Variants in FBXL20 observed in about 807,000 individuals in gnomAD.
FBXL20 encodes the protein F-box and leucine rich repeat protein 20, also known as F-box/LRR-repeat protein 20.
Under a neutral mutation model 64.0 loss-of-function variants are expected in FBXL20, and 11 were observed. The observed-to-expected ratio is 0.17, with a 90% CI of 0.11 to 0.28. FBXL20 has a LOEUF of 0.28. Ranked by LOEUF, FBXL20 falls within the 10% of genes least tolerant of loss-of-function variation. The pLI, the probability that FBXL20 is intolerant of heterozygous loss-of-function variation, is 1.00. For synonymous variants in FBXL20, 184 were observed against 189.0 expected, an observed-to-expected ratio of 0.97 and a Z score of 0.22; for missense variants, 303 against 526.2, an observed-to-expected ratio of 0.58 and a Z score of 4.15.
At chr17:39,343,386 C>CT (rs2144572375) in intron 1 of FBXL20, 145 bp from the exon 2 acceptor site, 1 of 535,614 alleles carries the variant, frequency 1.9e-6, no homozygotes, top group Admixed American at 3.9e-5. Flanking sequence ...TTTGGAAACT[C>CT]TTTAAGATGA....
At chr17:39,363,999 C>A (rs1308870589) in intron 1 of FBXL20, among the ~76,000 whole-genome samples, 1 of 146,300 alleles carries the variant, frequency 6.8e-6, no homozygotes, top group Non-Finnish European at 1.5e-5. Context: ...AAGCAATTTT[C>A]GTGCCTCAGC....
chr17:39,352,918 C>T (rs111775529), intron 1 of FBXL20, among the ~76,000 whole-genome samples: 1,626 of 152,140 alleles, frequency 0.011, 25 homozygotes, highest in African/African-American at 0.037. Flanking sequence ...TAAGTTTTGA[C>T]CAGTAGGTTG....
rs1226721119 is a variant in FBXL20 at position 39,285,459 on chromosome 17, C to T, written c.494+19G>A. The T allele has an allele frequency of 2.6e-6, 4 of 1,510,670 alleles. No homozygotes were observed. The highest frequency in any genetic ancestry group is 2.8e-5 in the African/African-American group (2 of 71,316). 93.6% of individuals were successfully genotyped at this position (1,510,670 alleles called of 1,614,324 possible). A position where few individuals can be genotyped will look rare whatever the true frequency, so the allele number is the denominator to read the frequency against. On this transcript the variant is annotated intron_variant, in intron 7 of 14. Transcript: ENST00000264658. ...TATTTTTTTTTGATTACTTGACATG[C>T]TTATTATAAGAAATTTACCTCAGAG...
upstream of FBXL20, chr17:39,401,926 G>A: frequency 7.1e-6 from 3 of 420,948 alleles, no homozygotes; most frequent in Non-Finnish European, 1.2e-5. Context: ...GGTCTGTGGG[G>A]CGGATGCGAG....
intron 1 of FBXL20, among the ~76,000 whole-genome samples, chr17:39,394,450 T>TG (rs2048163754): frequency 6.6e-6 from 1 of 151,792 alleles, no homozygotes; most frequent in Non-Finnish European, 1.5e-5. Context: ...TTTTTTTTTT[T>TG]GTATTTTTAG....
chr17:39,390,975 A>G (rs1310821239), intron 1 of FBXL20, among the ~76,000 whole-genome samples: 1 of 152,202 alleles, frequency 6.6e-6, no homozygotes, highest in Non-Finnish European at 1.5e-5. Flanking sequence ...GAACCCAGGC[A>G]GAGGTTGCAC....
intron 7 of FBXL20, among the ~76,000 whole-genome samples, chr17:39,283,188 A>G (rs904904553): frequency 6.6e-6 from 1 of 152,224 alleles, no homozygotes; most frequent in Non-Finnish European, 1.5e-5. Flanking sequence ...TTTACAGAGT[A>G]ATTAATAAAG....
intron 4 of FBXL20, among the ~76,000 whole-genome samples, chr17:39,299,803 A>G (rs1316932857): frequency 6.7e-6 from 1 of 149,964 alleles, no homozygotes; most frequent in Non-Finnish European, 1.5e-5. Context: ...CAACAACAAC[A>G]AAAACAAAAG....
chr17:39,285,584 G>T lies in FBXL20; in HGVS notation c.399-11C>A. 1 of 1,544,374 alleles carries T rather than the reference G, an allele frequency of 6.5e-7. No homozygotes were observed. The highest frequency in any genetic ancestry group is 8.8e-7 in the Non-Finnish European group (1 of 1,134,778). On this transcript the variant is annotated splice_polypyrimidine_tract_variant and intron_variant, in intron 6 of 14. Coordinates refer to ENST00000264658, the MANE Select transcript of FBXL20 (RefSeq NM_032875.3). ...AGGCTAGTACATGTACTGAAAAATG[G>T]AAAAAGGAGAAAATAATGAATAAAC...
At position 39,252,761 on chromosome 17, in the gene FBXL20, A is replaced by G. The variant is rs2046661364; in HGVS notation, c.*8699T>C. ...CAATTTACTTTATATATTTATATAT[A>G]AAAAACTTTTTTTTTTTTTTTTTAG... On this transcript the variant is annotated 3_prime_UTR_variant, in exon 15 of 15. Coordinates refer to ENST00000264658, the MANE Select transcript of FBXL20 (RefSeq NM_032875.3). 6.7e-6 allele frequency: 1 copy of G among 149,190 alleles called. No individual in the cohort carries two copies. Among genetic ancestry groups the G allele is most frequent in the Non-Finnish European group, 1.5e-5 (1 of 67,734 alleles). The allele number at this position is 149,190 out of a possible 1,614,324, so 9.2% of individuals were successfully genotyped here.
In FBXL20 at chr17:39,256,704, C is replaced by CCT. The variant is rs2046698683; in HGVS notation, c.*4754_*4755dup. 1 of 152,214 alleles carries CCT rather than the reference C, an allele frequency of 6.6e-6. No homozygotes were observed. Among genetic ancestry groups the CCT allele is most frequent in the African/African-American group, 2.4e-5 (1 of 41,442 alleles). 9.4% of individuals were successfully genotyped at this position (152,214 alleles called of 1,614,324 possible). A position where few individuals can be genotyped will look rare whatever the true frequency, so the allele number is the denominator to read the frequency against. On this transcript the variant is annotated 3_prime_UTR_variant, in exon 15 of 15. Transcript: ENST00000264658. ...ATAGAGCAATTTCCTTTAAACCCCTCCTCTCACTGGTAGCAACTGGCATGA... is the reference window on the plus strand; with the variant it reads ...ATAGAGCAATTTCCTTTAAACCCCTCCTCTCTCACTGGTAGCAACTGGCATGA...
chr17:39,349,398 C>T (rs1308215354), intron 1 of FBXL20, among the ~76,000 whole-genome samples: 11 of 145,080 alleles, frequency 7.6e-5, no homozygotes, highest in Non-Finnish European at 1.5e-5. Flanking sequence ...TCAGAATTTT[C>T]CATAGTGGTG....
Position 39,299,130 on chromosome 17 carries a change from T to C in FBXL20, c.235-46A>G, listed in dbSNP as rs1349786226. 8.3e-6 allele frequency: 11 copies of C among 1,333,026 alleles called. No homozygotes were observed. In the Admixed American group the frequency reaches 2.2e-4, roughly 26 times the overall value. 82.6% of individuals were successfully genotyped at this position (1,333,026 alleles called of 1,614,324 possible). ...ACAAAAAGATAACCCACCTCATTAC[T>C]TTAGAAAAGAACACATACTCATTTT... On this transcript the variant is annotated intron_variant, in intron 4 of 14. Transcript: ENST00000264658.
At chr17:39,354,754 G>A (rs1268652064) in intron 1 of FBXL20, among the ~76,000 whole-genome samples, 1 of 152,088 alleles carries the variant, frequency 6.6e-6, no homozygotes, top group African/African-American at 2.4e-5. Context: ...TAAATTGAAT[G>A]TCACCCATTT....
intron 9 of FBXL20, among the ~76,000 whole-genome samples, chr17:39,276,221 G>GAAAAAAAAAAAAAAAAAAA (rs1215336803): frequency 6.6e-5 from 4 of 60,566 alleles, no homozygotes; most frequent in African/African-American, 1.9e-4. Context: ...AGCAAGAAAA[G>GAAAAAAAAAAAAAAAAAAA]AAAAAAAAAA....
At chr17:39,285,450 C>A in intron 7 of FBXL20, 28 bp downstream of exon 7, 1 of 1,447,814 alleles carries the variant, frequency 6.9e-7, no homozygotes, top group Non-Finnish European at 9.4e-7. Context: ...TTTTTGATTA[C>A]TTGACATGCT....
intron 1 of FBXL20, among the ~76,000 whole-genome samples, chr17:39,385,871 A>T (rs2048073570): frequency 6.6e-6 from 1 of 151,830 alleles, no homozygotes; most frequent in Non-Finnish European, 1.5e-5. Context: ...CTCTACTAAA[A>T]ATACAAAAAT....
intron 1 of FBXL20, among the ~76,000 whole-genome samples, chr17:39,350,157 A>G (rs1213909185): frequency 6.6e-6 from 1 of 152,218 alleles, no homozygotes; most frequent in East Asian, 1.9e-4. Flanking sequence ...AAAATAACAA[A>G]AAAACACATT....
In FBXL20 at chr17:39,309,776, A is replaced by AGT. The variant is rs2047215130; in HGVS notation, c.105-6139_105-6138dup. On this transcript the variant is annotated intron_variant, in intron 2 of 14. Coordinates refer to ENST00000264658, the MANE Select transcript of FBXL20 (RefSeq NM_032875.3). ...CGCTGCACTCCAGCCTAGGTGACAG[A>AGT]GTGAGACTCCATCTCAAAAAAAAAA... Among the ~76,000 whole-genome samples the AGT allele has an allele frequency of 2.0e-5, 3 of 149,374 alleles. No individual in the cohort carries two copies. The South Asian group carries it at 6.4e-4, about 32-fold the overall frequency.
Sources: allele counts gnomAD v4.1 joint callset (sites outside exome capture counted in the v4.1 genomes callset), GRCh38; gene constraint gnomAD v4.1.1; transcripts MANE v1.5; gene names NCBI Gene and HGNC (gene_info 2026-07-23, HGNC 2026-07-21).